The following DNAH12 variants were observed in gnomAD, a reference collection of about 807,000 sequenced individuals.
The protein encoded by DNAH12 is dynein axonemal heavy chain 12.
In DNAH12, 285 loss-of-function variants were observed where a neutral mutation model predicts 371.5. The observed-to-expected ratio is 0.77, with a 90% CI of 0.70 to 0.85. DNAH12 has a LOEUF of 0.85. Ranked by LOEUF, DNAH12 falls within the 40% of genes least tolerant of loss-of-function variation. The probability of loss-of-function intolerance (pLI) is 0.00; values close to 1 mark genes in which losing one functional copy is unlikely to be tolerated. For synonymous variants in DNAH12, 1,200 were observed against 1,213.0 expected, an observed-to-expected ratio of 0.99 and a Z score of 0.22; for missense variants, 3,611 against 3,689.4, an observed-to-expected ratio of 0.98 and a Z score of 0.55.
At chr3:57,546,604 A>G (rs2069578848), upstream of DNAH12, among the ~76,000 whole-genome samples, 1 of 152,174 alleles carries the variant, frequency 6.6e-6, no homozygotes, top group African/African-American at 2.4e-5. Flanking sequence ...CAGCTTCCTA[A>G]AAGTGTTGGG....
At chr3:57,329,949 A>C (rs1187671143) in intron 62 of DNAH12, among the ~76,000 whole-genome samples, 1 of 152,168 alleles carries the variant, frequency 6.6e-6, no homozygotes, top group Non-Finnish European at 1.5e-5. Flanking sequence ...GCAGCCAAAA[A>C]ACACATGAAA....
chr3:57,435,373 C>CAAAAAAAAAAAAAAAAAA (rs34515598), intron 30 of DNAH12, among the ~76,000 whole-genome samples: 22 of 94,746 alleles, frequency 2.3e-4, no homozygotes, highest in Non-Finnish European at 3.4e-4. Context: ...CTCTGTCTCC[C>CAAAAAAAAAAAAAAAAAA]AAAAAAAAAA....
intron 5 of DNAH12, among the ~76,000 whole-genome samples, chr3:57,510,511 G>C (rs1159126919): frequency 1.3e-5 from 2 of 151,946 alleles, no homozygotes; most frequent in Non-Finnish European, 2.9e-5. Flanking sequence ...ATAGTGGTGT[G>C]TGCCTGAAGT....
chr3:57,404,270 A>ATAG (rs1553680205), intron 42 of DNAH12, among the ~76,000 whole-genome samples: 136 of 152,306 alleles, frequency 8.9e-4, no homozygotes, highest in African/African-American at 3.3e-3. Context: ...AGTGGTAAAT[A>ATAG]TTCATTTTTC....
At chr3:57,305,492 C>T (rs958854420) in intron 69 of DNAH12, among the ~76,000 whole-genome samples, 2 of 152,148 alleles carry the variant, frequency 1.3e-5, no homozygotes, top group Admixed American at 6.5e-5. Context: ...TCCTGCCCAG[C>T]AATTTACTCT....
chr3:57,522,886 C>G (rs1404143484), intron 4 of DNAH12, among the ~76,000 whole-genome samples: 4 of 151,532 alleles, frequency 2.6e-5, no homozygotes, highest in African/African-American at 7.3e-5. Context: ...AAGCACATAA[C>G]AGATTCTAAA....
rs2066396136 is a variant in DNAH12, at chr3:57,472,531, G to GA, written c.1776+14dup. 3.9e-6 allele frequency: 6 copies of GA among 1,537,522 alleles called. No homozygotes were observed. In the African/African-American group the frequency reaches 5.5e-5, roughly 14 times the overall value. On this transcript the variant is annotated intron_variant, in intron 14 of 73. Transcript: ENST00000495027. ...ATGTCAGATTACAAAAATACATACT[G>GA]AAAAATATATTTACCTCATCATTTT...
chr3:57,364,514 ATTTGGGGT>A (rs1187015372), intron 57 of DNAH12, among the ~76,000 whole-genome samples: 4 of 152,138 alleles, frequency 2.6e-5, no homozygotes. Flanking sequence ...AAAAATACAT[ATTTGGGGT>A]TTTACATTTA....
intron 60 of DNAH12, 105 bp from the exon 61 acceptor site, chr3:57,335,045 C>A (rs758019181): frequency 3.3e-6 from 4 of 1,200,234 alleles, no homozygotes; most frequent in Non-Finnish European, 4.5e-6. Context: ...ACTGTACTTA[C>A]CCACCTGCTG....
At chr3:57,351,811 G>A (rs899532148) in intron 60 of DNAH12, among the ~76,000 whole-genome samples, 1 of 152,212 alleles carries the variant, frequency 6.6e-6, no homozygotes, top group South Asian at 2.1e-4. Context: ...CAAGGATGGT[G>A]GGGAAATGTT....
intron 6 of DNAH12, 22 bp from the exon 7 acceptor site, chr3:57,508,562 T>A (rs2067863553): frequency 4.4e-6 from 7 of 1,598,004 alleles, no homozygotes; most frequent in African/African-American, 1.4e-5. Context: ...AAACACCATA[T>A]CAAACATGAT....
chr3:57,441,714 C>A (rs1409084086), intron 29 of DNAH12, among the ~76,000 whole-genome samples: 1 of 152,042 alleles, frequency 6.6e-6, no homozygotes, highest in Non-Finnish European at 1.5e-5. Flanking sequence ...ATTGCTTGAG[C>A]CCAGGAGGTT....
intron 11 of DNAH12, among the ~76,000 whole-genome samples, chr3:57,500,613 A>G (rs138198747): frequency 4.8e-4 from 73 of 152,118 alleles, no homozygotes; most frequent in African/African-American, 1.6e-3. Context: ...TCAAAGCCCA[A>G]CTCACATTTC....
chr3:57,300,607 G>T (rs1204815382), intron 70 of DNAH12, among the ~76,000 whole-genome samples: 10 of 151,978 alleles, frequency 6.6e-5, no homozygotes, highest in Admixed American at 3.3e-4. Context: ...AAAGAAAGTC[G>T]AATGGAAACA....
chr3:57,406,986 C>T (rs2064050492), intron 40 of DNAH12, among the ~76,000 whole-genome samples: 1 of 151,798 alleles, frequency 6.6e-6, no homozygotes, highest in Non-Finnish European at 1.5e-5. Flanking sequence ...GCAACCTCCA[C>T]CTCCTGGATT....
At chr3:57,478,355 T>C (rs1035287776) in intron 13 of DNAH12, among the ~76,000 whole-genome samples, 5 of 152,028 alleles carry the variant, frequency 3.3e-5, no homozygotes, top group Non-Finnish European at 7.4e-5. Flanking sequence ...GAAATGAAGC[T>C]AGAAGAGAAG....
intron 65 of DNAH12, among the ~76,000 whole-genome samples, chr3:57,319,163 CAGAT>C (rs2061749772): frequency 6.6e-6 from 1 of 152,102 alleles, no homozygotes; most frequent in Admixed American, 6.5e-5. Context: ...ATTTCCATTT[CAGAT>C]AGTTTGTTGT....
intron 8 of DNAH12, among the ~76,000 whole-genome samples, chr3:57,505,383 A>G (rs1575700795): frequency 6.6e-6 from 1 of 152,110 alleles, no homozygotes; most frequent in South Asian, 2.1e-4. Flanking sequence ...AGGTAACCTA[A>G]AACAATAAAT....
At chr3:57,503,117 G>A (rs929353481) in intron 9 of DNAH12, among the ~76,000 whole-genome samples, 3 of 152,192 alleles carry the variant, frequency 2.0e-5, no homozygotes, top group Admixed American at 6.5e-5. Flanking sequence ...GCCAGGTGCA[G>A]TAGCACATGC....
Sources: gnomAD v4.1 joint callset for allele counts (sites outside exome capture counted in the v4.1 genomes callset) on GRCh38, gnomAD v4.1.1 for gene constraint, MANE v1.5 for transcripts, NCBI Gene and HGNC (gene_info 2026-07-23, HGNC 2026-07-21) for gene names.